CSMD1: variants seen among roughly 807,000 people sequenced by gnomAD.
CSMD1 encodes the protein CUB and Sushi multiple domains 1.
A neutral mutation model predicts 417.5 loss-of-function variants in CSMD1; 213 were observed. That is an observed-to-expected ratio of 0.51 (90% CI 0.46 to 0.57). CSMD1 has a LOEUF of 0.57. Among genes scored for constraint, CSMD1 ranks in the 20% least tolerant of loss-of-function variants. The pLI is 0.00. For missense variants in CSMD1, 6,923 were observed against 4,529.7 expected (o/e 1.53, Z -15.17); for synonymous variants, 2,862 against 1,736.8 (o/e 1.65, Z -16.11).
intron 48 of CSMD1, 99 bp downstream of exon 48, chr8:3,091,417 T>A: frequency 1.2e-6 from 1 of 832,892 alleles, no homozygotes; most frequent in Non-Finnish European, 1.7e-6. Flanking sequence ...TCTTTAAGAA[T>A]TAGGATTATA....
At chr8:4,686,859 G>A (rs115888923) in intron 1 of CSMD1, among the ~76,000 whole-genome samples, 268 of 152,274 alleles carry the variant, frequency 1.8e-3, no homozygotes, top group African/African-American at 6.3e-3. Flanking sequence ...AAGGAAGGAG[G>A]CAAACCCTGA....
In CSMD1 at chr8:3,207,454, T is replaced by C. The variant is rs548497292; in HGVS notation, c.4868-1834A>G. Among the ~76,000 whole-genome samples the C allele has an allele frequency of 5.3e-5, 8 of 152,176 alleles. No individual in the cohort carries two copies. In the East Asian group the frequency reaches 9.7e-4, roughly 18 times the overall value. On this transcript the variant is annotated intron_variant, in intron 30 of 69. Transcript: ENST00000635120. ...CACTGAGTCCGGCCACAATGGCAATTTTCAAGCCTCAAAGAATAAAGAAGT... is the reference window on the plus strand; with the variant it reads ...CACTGAGTCCGGCCACAATGGCAATCTTCAAGCCTCAAAGAATAAAGAAGT...
At chr8:3,708,518 G>T (rs777595969) in intron 6 of CSMD1, 27 bp from the exon 7 acceptor site, 3 of 1,599,502 alleles carry the variant, frequency 1.9e-6, no homozygotes, top group East Asian at 2.2e-5. Flanking sequence ...CAAGCCATTA[G>T]CAGGTAAGAC....
intron 3 of CSMD1, among the ~76,000 whole-genome samples, chr8:4,048,385 C>A (rs1446237169): frequency 2.0e-5 from 3 of 152,164 alleles, no homozygotes; most frequent in Non-Finnish European, 4.4e-5. Context: ...ACAGACAATG[C>A]TTCCTAGACA....
chr8:3,487,493 G>T (rs1428772499), intron 11 of CSMD1, among the ~76,000 whole-genome samples: 2 of 152,300 alleles, frequency 1.3e-5, no homozygotes, highest in African/African-American at 2.4e-5. Context: ...GAGCCACCAT[G>T]CCCGGCCTAT....
intron 47 of CSMD1, among the ~76,000 whole-genome samples, chr8:3,094,998 C>G (rs926685905): frequency 5.3e-4 from 81 of 152,196 alleles, no homozygotes; most frequent in Middle Eastern, 3.4e-3. Context: ...ATGCTATTGT[C>G]TCTAACGTAT....
intron 5 of CSMD1, among the ~76,000 whole-genome samples, chr8:3,801,282 A>G (rs1453844781): frequency 6.6e-6 from 1 of 152,160 alleles, no homozygotes; most frequent in African/African-American, 2.4e-5. Context: ...AACCCTAACA[A>G]TTAAAAATTG....
At chr8:4,131,773 T>TG (rs1554462800) in intron 3 of CSMD1, among the ~76,000 whole-genome samples, 2 of 142,794 alleles carry the variant, frequency 1.4e-5, no homozygotes, top group Non-Finnish European at 3.0e-5. Flanking sequence ...TTTTTTTTTT[T>TG]TTTTTTTGAG....
At chr8:3,924,277 T>G (rs1248776778) in intron 5 of CSMD1, among the ~76,000 whole-genome samples, 1 of 152,180 alleles carries the variant, frequency 6.6e-6, no homozygotes, top group Non-Finnish European at 1.5e-5. Flanking sequence ...TGTTGTAAAC[T>G]GCTTTCCTCT....
chr8:4,056,353 G>T (rs908663553), intron 3 of CSMD1, among the ~76,000 whole-genome samples: 7 of 150,870 alleles, frequency 4.6e-5, no homozygotes, highest in Non-Finnish European at 7.4e-5. Context: ...AAAGTGCTGG[G>T]ATTATAGGCA....
intron 5 of CSMD1, among the ~76,000 whole-genome samples, chr8:3,967,395 T>C (rs77529140): frequency 0.012 from 1,787 of 151,950 alleles, 35 homozygotes; most frequent in African/African-American, 0.041. Flanking sequence ...TCTAGGGAGG[T>C]TGTCATTCAA....
intron 2 of CSMD1, among the ~76,000 whole-genome samples, chr8:4,514,575 G>A (rs1219030052): frequency 1.3e-5 from 2 of 152,186 alleles, no homozygotes; most frequent in Admixed American, 1.3e-4. Context: ...CTTAGCTACT[G>A]AGACCGCTTG....
At position 3,506,118 on chromosome 8, in the gene CSMD1, G is replaced by A. The variant is rs1005809116; in HGVS notation, c.1345-12392C>T. Among the ~76,000 whole-genome samples the A allele has an allele frequency of 5.9e-5, 9 of 152,180 alleles. No individual in the cohort carries two copies. In the East Asian group the frequency reaches 9.6e-4, roughly 16 times the overall value. ...TAAGGAGGTGTCTCATCGGAGGCCA[G>A]GTGATAGGTGCGGCGGCCAGCAGAG... On this transcript the variant is annotated intron_variant, in intron 10 of 69. Coordinates refer to ENST00000635120, the MANE Select transcript of CSMD1 (RefSeq NM_033225.6).
At chr8:4,901,430 G>A (rs568494365) in intron 1 of CSMD1, among the ~76,000 whole-genome samples, 2 of 152,094 alleles carry the variant, frequency 1.3e-5, no homozygotes, top group South Asian at 4.1e-4. Flanking sequence ...CATTATTCAA[G>A]TTTTCATAGA....
chr8:4,263,341 G>A (rs1161164245), intron 3 of CSMD1, among the ~76,000 whole-genome samples: 2 of 152,064 alleles, frequency 1.3e-5, no homozygotes, highest in Non-Finnish European at 2.9e-5. Flanking sequence ...TCTTTCCCCT[G>A]GAGTTATGGT....
chr8:4,851,502 C>T (rs1009097393), intron 1 of CSMD1, among the ~76,000 whole-genome samples: 18 of 151,908 alleles, frequency 1.2e-4, no homozygotes, highest in African/African-American at 4.4e-4. Flanking sequence ...ATCCATGGCG[C>T]TTCTCACTCC....
intron 7 of CSMD1, among the ~76,000 whole-genome samples, chr8:3,675,299 C>G (rs1487209948): frequency 6.6e-6 from 1 of 152,204 alleles, no homozygotes; most frequent in Non-Finnish European, 1.5e-5. Context: ...GTTGGCAGCA[C>G]TATGCACATC....
chr8:3,885,079 G>A (rs970037693), intron 5 of CSMD1, among the ~76,000 whole-genome samples: 1 of 151,920 alleles, frequency 6.6e-6, no homozygotes, highest in African/African-American at 2.4e-5. Flanking sequence ...TATAAAGCAA[G>A]TAGCTTCTCA....
intron 1 of CSMD1, among the ~76,000 whole-genome samples, chr8:4,735,657 G>A (rs1276037964): frequency 6.6e-6 from 1 of 152,168 alleles, no homozygotes; most frequent in Non-Finnish European, 1.5e-5. Context: ...AGCACGCACT[G>A]ATGTCTTCCA....
Sources: allele counts gnomAD v4.1 joint callset (sites outside exome capture counted in the v4.1 genomes callset), GRCh38; gene constraint gnomAD v4.1.1; transcripts MANE v1.5; gene names NCBI Gene and HGNC (gene_info 2026-07-23, HGNC 2026-07-21).